The following RPH3A variants were observed in gnomAD, a reference collection of about 807,000 sequenced individuals.
RPH3A encodes rabphilin 3A, also known as rabphilin-3A.
A neutral mutation model predicts 102.2 loss-of-function variants in RPH3A; 48 were observed. The observed-to-expected ratio is 0.47, with a 90% CI of 0.37 to 0.60. The LOEUF (loss-of-function observed/expected upper bound fraction) is 0.60. RPH3A is among the 20% of genes least tolerant of loss of function. The pLI is 0.00. For synonymous variants in RPH3A, 310 were observed against 324.3 expected (o/e 0.96, Z 0.47); for missense variants, 781 against 910.1 (o/e 0.86, Z 1.83).
At chr12:112,766,239 A>C (rs1312779914) in intron 1 of RPH3A, among the ~76,000 whole-genome samples, 1 of 152,208 alleles carries the variant, frequency 6.6e-6, no homozygotes, top group East Asian at 1.9e-4. Context: ...GGATGGCAAC[A>C]CCAAATACCT....
intron 1 of RPH3A, among the ~76,000 whole-genome samples, chr12:112,743,230 G>T (rs1335985331): frequency 6.6e-6 from 1 of 152,216 alleles, no homozygotes; most frequent in African/African-American, 2.4e-5. Context: ...CCTCTTGGGG[G>T]TGGGTGGGGA....
intron 1 of RPH3A, among the ~76,000 whole-genome samples, chr12:112,738,697 G>A (rs1173160405): frequency 6.6e-6 from 1 of 152,164 alleles, no homozygotes; most frequent in Non-Finnish European, 1.5e-5. Flanking sequence ...ATGACTCACC[G>A]GATGGTTTTG....
At chr12:112,764,674 T>C (rs11066407) in intron 1 of RPH3A, among the ~76,000 whole-genome samples, 9,353 of 152,062 alleles carry the variant, frequency 0.062, 722 homozygotes, top group African/African-American at 0.17. Flanking sequence ...TCTCTCTACC[T>C]GAGGTATTAT....
chr12:112,674,892 C>T (rs1458955120), intron 1 of RPH3A, among the ~76,000 whole-genome samples: 1 of 152,130 alleles, frequency 6.6e-6, no homozygotes, highest in Non-Finnish European at 1.5e-5. Context: ...GGCTTTACTC[C>T]CTTGGTTTAT....
intron 1 of RPH3A, among the ~76,000 whole-genome samples, chr12:112,699,021 A>G (rs2040373356): frequency 6.6e-6 from 1 of 151,568 alleles, no homozygotes; most frequent in Admixed American, 6.6e-5. Context: ...CCTGGACTCA[A>G]GTGATCCTCC....
chr12:112,679,047 C>G (rs1466814987), intron 1 of RPH3A, among the ~76,000 whole-genome samples: 1 of 152,204 alleles, frequency 6.6e-6, no homozygotes, highest in Non-Finnish European at 1.5e-5. Context: ...ACCTGCCCCC[C>G]ACTGCAGGCT....
chr12:112,732,286 G>A lies in RPH3A; in HGVS notation c.-139-59857G>A, dbSNP rs150263481. Among the ~76,000 whole-genome samples the A allele has an allele frequency of 4.6e-5, 7 of 152,294 alleles. No homozygotes were observed. In the East Asian group the frequency reaches 1.3e-3, roughly 29 times the overall value. Reference sequence around the variant, plus strand: ...CACTTTAGAGACTCAGTTTGGAGGTGGAGGATGAACACGCTCATTTCCAAA... The same window carrying A: ...CACTTTAGAGACTCAGTTTGGAGGTAGAGGATGAACACGCTCATTTCCAAA... On this transcript the variant is annotated intron_variant, in intron 1 of 21. Coordinates refer to the RPH3A transcript ENST00000543106.
intron 1 of RPH3A, among the ~76,000 whole-genome samples, chr12:112,630,198 A>G (rs2039794450): frequency 6.6e-6 from 1 of 151,966 alleles, no homozygotes; most frequent in East Asian, 1.9e-4. Flanking sequence ...CAATTATTTC[A>G]TAAATATTTA....
chr12:112,762,904 AAGGAATATGCTGATCGGAC>A (rs2040863610), intron 1 of RPH3A, among the ~76,000 whole-genome samples: 1 of 152,202 alleles, frequency 6.6e-6, no homozygotes. Context: ...GGCCAGGAAG[AAGGAATATGCTGATCGGAC>A]AGATTTGGGT....
At chr12:112,797,159 T>C (rs1467442536) in intron 2 of RPH3A, among the ~76,000 whole-genome samples, 1 of 152,196 alleles carries the variant, frequency 6.6e-6, no homozygotes, top group Non-Finnish European at 1.5e-5. Context: ...CCCAAAGATA[T>C]TCAGTTCACT....
intron 1 of RPH3A, among the ~76,000 whole-genome samples, chr12:112,699,797 A>G (rs1306286431): frequency 6.6e-6 from 1 of 152,250 alleles, no homozygotes; most frequent in Non-Finnish European, 1.5e-5. Context: ...GAAAAATAAA[A>G]AGTCAAACAT....
chr12:112,898,373 C>T lies in RPH3A; in HGVS notation c.*1593C>T, dbSNP rs1034197935. On this transcript the variant is annotated 3_prime_UTR_variant, in exon 22 of 22. Transcript: ENST00000389385. ...AAATCACTCCCAGTCATCCCAAACC[C>T]CTGACATTCTCTACAGAAGCATCAG... 3.9e-5 allele frequency: 6 copies of T among 152,192 alleles called. No individual in the cohort carries two copies. The highest frequency in any genetic ancestry group is 8.8e-5 in the Non-Finnish European group (6 of 68,034). The allele number at this position is 152,192 out of a possible 1,614,324, so 9.4% of individuals were successfully genotyped here.
intron 1 of RPH3A, among the ~76,000 whole-genome samples, chr12:112,643,364 C>T (rs1041848884): frequency 2.0e-5 from 3 of 152,216 alleles, no homozygotes; most frequent in African/African-American, 7.2e-5. Context: ...ACCAGTAACT[C>T]CCAGCTGCTG....
intron 5 of RPH3A, among the ~76,000 whole-genome samples, chr12:112,849,475 G>A (rs16942283): frequency 0.018 from 2,774 of 152,070 alleles, 102 homozygotes; most frequent in African/African-American, 0.063. Flanking sequence ...ACAACGATGG[G>A]CCTCAGTCAT....
At chr12:112,611,484 T>A (rs1159684854) in intron 1 of RPH3A, among the ~76,000 whole-genome samples, 1 of 152,132 alleles carries the variant, frequency 6.6e-6, no homozygotes, top group African/African-American at 2.4e-5. Flanking sequence ...TGTTTTTTTT[T>A]CGGGAGTACA....
At position 112,582,597 on chromosome 12, in the gene RPH3A, C is replaced by T. The variant is rs570704813; in HGVS notation, c.-140+7278C>T. On this transcript the variant is annotated intron_variant, in intron 1 of 21. Transcript: ENST00000543106. ...AAGTAGTTGGGACTACAGGCGTGTACCACCATGTCCAGCTAGCTTTTTTTT... is the reference window on the plus strand; with the variant it reads ...AAGTAGTTGGGACTACAGGCGTGTATCACCATGTCCAGCTAGCTTTTTTTT... Among the ~76,000 whole-genome samples, 2 of 145,432 alleles carry T rather than the reference C, an allele frequency of 1.4e-5. 1 individual carries two copies. The highest frequency in any genetic ancestry group is 5.4e-4 in the South Asian group (2 of 3,680).
At chr12:112,783,962 C>G (rs1328624377) in intron 1 of RPH3A, among the ~76,000 whole-genome samples, 6 of 152,122 alleles carry the variant, frequency 3.9e-5, no homozygotes, top group Non-Finnish European at 8.8e-5. Context: ...GAAAAGCAAA[C>G]TAGGGGCTTG....
At position 112,660,557 on chromosome 12, in the gene RPH3A, C is replaced by T. The variant is rs184330363; in HGVS notation, c.-140+85238C>T. 6.5e-3 allele frequency among the ~76,000 whole-genome samples: 982 copies of T among 152,166 alleles called. 4 individuals are homozygous for T. Among genetic ancestry groups the T allele is most frequent in the Non-Finnish European group, 8.9e-3 (608 of 68,010 alleles). On this transcript the variant is annotated intron_variant, in intron 1 of 21. Coordinates refer to the RPH3A transcript ENST00000543106. ...TTTTTTGGTTGGGTGTGGTGGTTCA[C>T]CTCTGTAATCCCAACACTTTGGGAG...
At chr12:112,776,901 A>C (rs1173668684) in intron 1 of RPH3A, among the ~76,000 whole-genome samples, 4 of 145,230 alleles carry the variant, frequency 2.8e-5, no homozygotes, top group African/African-American at 7.7e-5. Context: ...AAAAAAAAAA[A>C]AAAAAAAAAA....
Sources: gnomAD v4.1 joint callset for allele counts (sites outside exome capture counted in the v4.1 genomes callset) on GRCh38, gnomAD v4.1.1 for gene constraint, MANE v1.5 for transcripts, NCBI Gene and HGNC (gene_info 2026-07-23, HGNC 2026-07-21) for gene names.